ADCY2: variants seen among roughly 807,000 people sequenced by gnomAD.
ADCY2 encodes the protein adenylate cyclase 2, also known as adenylate cyclase type 2.
In ADCY2, 31 loss-of-function variants were observed where a neutral mutation model predicts 125.2. The ratio of observed to expected loss-of-function variants is 0.25; its 90% confidence interval spans 0.19 to 0.33. ADCY2 has a LOEUF of 0.33. Among genes scored for constraint, ADCY2 ranks in the 10% least tolerant of loss-of-function variants. The pLI is 1.00. For missense variants in ADCY2, 904 were observed against 1,418.2 expected, an observed-to-expected ratio of 0.64 and a Z score of 5.82; for synonymous variants, 512 against 548.4, an observed-to-expected ratio of 0.93 and a Z score of 0.93.
intron 4 of ADCY2, among the ~76,000 whole-genome samples, chr5:7,665,283 G>A (rs1230701615): frequency 2.0e-5 from 3 of 152,018 alleles, no homozygotes; most frequent in Non-Finnish European, 4.4e-5. Context: ...CACAGCTGCC[G>A]CCTGGATGTC....
intron 5 of ADCY2, 147 bp from the exon 6 acceptor site, chr5:7,695,605 A>G (rs1441093482): frequency 4.8e-6 from 2 of 415,152 alleles, no homozygotes; most frequent in Non-Finnish European, 8.5e-6. Context: ...ATGTTTATAT[A>G]TTCTTAATCT....
rs1738067009 is a variant in ADCY2 at position 7,624,729 on chromosome 5, T to A, written c.571-1438T>A. 2.0e-5 allele frequency among the ~76,000 whole-genome samples: 3 copies of A among 152,206 alleles called. 1 individual carries two copies. The South Asian group carries it at 6.2e-4, about 32-fold the overall frequency. ...CATAATGGGTTCCAGCCACTCCTGC[T>A]CACCACGTTGGATGATTAATGTGAT... On this transcript the variant is annotated intron_variant, in intron 3 of 24. Coordinates refer to ENST00000338316, the MANE Select transcript of ADCY2 (RefSeq NM_020546.3).
At chr5:7,400,992 A>G (rs1178399308) in intron 1 of ADCY2, among the ~76,000 whole-genome samples, 1 of 152,210 alleles carries the variant, frequency 6.6e-6, no homozygotes, top group East Asian at 1.9e-4. Context: ...TTGAAAGGAC[A>G]GTGGAGTGAA....
chr5:7,552,427 T>C (rs1735371736), intron 3 of ADCY2, among the ~76,000 whole-genome samples: 2 of 152,258 alleles, frequency 1.3e-5, no homozygotes, highest in African/African-American at 4.8e-5. Context: ...TATTTCTTTA[T>C]TGCAAATCTT....
intron 2 of ADCY2, among the ~76,000 whole-genome samples, chr5:7,506,167 C>A (rs1743805986): frequency 6.6e-6 from 1 of 152,064 alleles, no homozygotes; most frequent in Admixed American, 6.6e-5. Context: ...ATGGCATAGT[C>A]TATTAGCCAT....
At chr5:7,705,689 C>T (rs1021186193) in intron 7 of ADCY2, among the ~76,000 whole-genome samples, 1 of 152,132 alleles carries the variant, frequency 6.6e-6, no homozygotes, top group African/African-American at 2.4e-5. Context: ...TTTTGGATGA[C>T]TTGCATAGAG....
intron 22 of ADCY2, among the ~76,000 whole-genome samples, chr5:7,815,365 C>T (rs1745075906): frequency 6.6e-6 from 1 of 152,116 alleles, no homozygotes; most frequent in Non-Finnish European, 1.5e-5. Context: ...ATCCATTCGG[C>T]CAAGCAGCCA....
intron 4 of ADCY2, among the ~76,000 whole-genome samples, chr5:7,628,701 A>G (rs554743878): frequency 2.6e-5 from 4 of 152,072 alleles, no homozygotes; most frequent in Non-Finnish European, 5.9e-5. Flanking sequence ...TCCAGAGTCT[A>G]CTCCTAGAAT....
chr5:7,477,005 A>C (rs183725733), intron 2 of ADCY2, among the ~76,000 whole-genome samples: 1 of 152,288 alleles, frequency 6.6e-6, no homozygotes, highest in East Asian at 1.9e-4. Flanking sequence ...CAAGAAACTT[A>C]AGAGTACTTC....
At chr5:7,460,411 TG>T (rs1741873852) in intron 2 of ADCY2, among the ~76,000 whole-genome samples, 1 of 152,168 alleles carries the variant, frequency 6.6e-6, no homozygotes, top group Non-Finnish European at 1.5e-5. Flanking sequence ...TTTTATACAG[TG>T]ATAAAATGCT....
At chr5:7,453,117 ATTTATT>A (rs1741535091) in intron 2 of ADCY2, among the ~76,000 whole-genome samples, 1 of 151,640 alleles carries the variant, frequency 6.6e-6, no homozygotes, top group African/African-American at 2.4e-5. Context: ...GCTCCCATTT[ATTTATT>A]TTTGTTTTTG....
At chr5:7,470,732 A>T (rs1411767273) in intron 2 of ADCY2, among the ~76,000 whole-genome samples, 1 of 151,434 alleles carries the variant, frequency 6.6e-6, no homozygotes, top group African/African-American at 2.4e-5. Context: ...GTAATTAAAG[A>T]AAGAAAGTAT....
intron 3 of ADCY2, among the ~76,000 whole-genome samples, chr5:7,552,833 G>T (rs1041686769): frequency 6.6e-6 from 1 of 152,046 alleles, no homozygotes; most frequent in East Asian, 1.9e-4. Flanking sequence ...AACCTGTATG[G>T]TATTTTTAAA....
chr5:7,703,833 T>C (rs976331364), intron 7 of ADCY2, among the ~76,000 whole-genome samples: 5 of 151,888 alleles, frequency 3.3e-5, no homozygotes, highest in African/African-American at 1.2e-4. Context: ...TCATTTTCCC[T>C]GTTTCTACAA....
intron 3 of ADCY2, among the ~76,000 whole-genome samples, chr5:7,564,642 T>C (rs1284902472): frequency 6.6e-6 from 1 of 152,140 alleles, no homozygotes; most frequent in African/African-American, 2.4e-5. Context: ...CTCATAGTTA[T>C]TGTTTCTCTA....
intron 24 of ADCY2, among the ~76,000 whole-genome samples, chr5:7,822,068 A>G (rs2126542325): frequency 6.6e-6 from 1 of 152,340 alleles, no homozygotes; most frequent in African/African-American, 2.4e-5. Context: ...GCTACAGTTC[A>G]TTCCAGTATT....
chr5:7,652,199 A>C (rs1201157398), intron 4 of ADCY2, among the ~76,000 whole-genome samples: 1 of 152,230 alleles, frequency 6.6e-6, no homozygotes, highest in Non-Finnish European at 1.5e-5. Flanking sequence ...TGATCAACAG[A>C]ACTATGAACA....
intron 2 of ADCY2, among the ~76,000 whole-genome samples, chr5:7,509,734 A>G (rs1268316793): frequency 6.6e-6 from 1 of 152,240 alleles, no homozygotes; most frequent in Non-Finnish European, 1.5e-5. Flanking sequence ...ATATTTTCAC[A>G]TTCTATAGAG....
At chr5:7,728,582 C>A (rs1274817412) in intron 14 of ADCY2, among the ~76,000 whole-genome samples, 1 of 152,156 alleles carries the variant, frequency 6.6e-6, no homozygotes, top group Non-Finnish European at 1.5e-5. Flanking sequence ...TAGTGTCAGG[C>A]CTGTACCATG....
Sources: gnomAD v4.1 joint callset for allele counts (sites outside exome capture counted in the v4.1 genomes callset) on GRCh38, gnomAD v4.1.1 for gene constraint, MANE v1.5 for transcripts, NCBI Gene and HGNC (gene_info 2026-07-23, HGNC 2026-07-21) for gene names.